RAD54L2: variants seen among roughly 807,000 people sequenced by gnomAD.
RAD54L2 encodes the protein helicase ARIP4.
RAD54L2 carries 27 observed loss-of-function variants against 138.4 expected under a neutral mutation model. The ratio of observed to expected loss-of-function variants is 0.20; its 90% CI spans 0.14 to 0.27. RAD54L2 has a LOEUF of 0.27. Among genes scored for constraint, RAD54L2 ranks in the 10% least tolerant of loss-of-function variants. The pLI is 1.00. For missense variants in RAD54L2, 1,396 were observed against 1,890.2 expected (o/e 0.74, Z 4.85); for synonymous variants, 644 against 723.2 (o/e 0.89, Z 1.76).
rs768354274 is a variant in RAD54L2 at position 51,626,436 on chromosome 3, C to CTTTTTT, written c.140-1096_140-1091dup. ...TGACATCCCCTGGACCCCCAACGAT[C>CTTTTTT]TTTTTTTTTTTTTTTTTTTTTTTTT... On this transcript the variant is annotated intron_variant, in intron 3 of 22. Coordinates refer to ENST00000684192, the MANE Select transcript of RAD54L2 (RefSeq NM_015106.4). Among the ~76,000 whole-genome samples, 48 of 39,392 alleles carry CTTTTTT rather than the reference C, an allele frequency of 1.2e-3. 13 individuals carry two copies. The highest frequency in any genetic ancestry group is 5.1e-3 in the African/African-American group (46 of 8,970). 25.8% of individuals were successfully genotyped at this position (39,392 alleles called of 152,430 possible). A position where few individuals can be genotyped will look rare whatever the true frequency, so the allele number is the denominator to read the frequency against.
intron 10 of RAD54L2, among the ~76,000 whole-genome samples, chr3:51,636,857 C>T (rs149831390): frequency 0.036 from 5,406 of 152,052 alleles, 147 homozygotes; most frequent in Non-Finnish European, 0.056. Flanking sequence ...CGCTTGAACC[C>T]GGGAGGCAGA....
chr3:51,640,972 C>T (rs1205844299), intron 14 of RAD54L2, among the ~76,000 whole-genome samples: 1 of 152,030 alleles, frequency 6.6e-6, no homozygotes, highest in East Asian at 1.9e-4. Flanking sequence ...CTTGGTTGTT[C>T]TTGGTATAGT....
intron 7 of RAD54L2, among the ~76,000 whole-genome samples, chr3:51,632,874 C>T (rs1027191005): frequency 4.1e-5 from 6 of 146,302 alleles, no homozygotes; most frequent in Non-Finnish European, 6.0e-5. Context: ...GCTTGGGTGA[C>T]GGAGCAAGAC....
At chr3:51,600,077 C>T (rs1057364015) in intron 3 of RAD54L2, among the ~76,000 whole-genome samples, 23 of 152,052 alleles carry the variant, frequency 1.5e-4, no homozygotes, top group African/African-American at 4.8e-4. Flanking sequence ...TGACTATGGG[C>T]ACCTGCTACC....
chr3:51,607,940 C>T (rs1700235852), intron 3 of RAD54L2, among the ~76,000 whole-genome samples: 1 of 139,990 alleles, frequency 7.1e-6, no homozygotes, highest in Non-Finnish European at 1.5e-5. Flanking sequence ...TGCCCCCCTC[C>T]TCCCGGACGG....
At chr3:51,600,320 A>G (rs1700053521) in intron 3 of RAD54L2, among the ~76,000 whole-genome samples, 1 of 152,194 alleles carries the variant, frequency 6.6e-6, no homozygotes, top group Non-Finnish European at 1.5e-5. Context: ...ACTGTAAAAA[A>G]GAAAAATCTT....
intron 3 of RAD54L2, among the ~76,000 whole-genome samples, chr3:51,595,011 C>T (rs777278161): frequency 4.6e-5 from 7 of 151,548 alleles, no homozygotes; most frequent in African/African-American, 1.5e-4. Context: ...ACTACAGGCA[C>T]GCGCCACCAC....
At chr3:51,543,779 A>T (rs1317413438) in intron 2 of RAD54L2, among the ~76,000 whole-genome samples, 2 of 152,056 alleles carry the variant, frequency 1.3e-5, no homozygotes, top group African/African-American at 4.8e-5. Flanking sequence ...AGGCTCAGTT[A>T]TAGTGAACTC....
rs1166356274 is a variant in RAD54L2, at chr3:51,633,754, G to T, written c.1003G>T (p.Val335Leu). Reference protein sequence around the residue: ...HTPAKTVLAIVPVNTLQNWLA... With the variant: ...HTPAKTVLAILPVNTLQNWLA... ...GCCAGCCAAAACAGTCCTTGCCATT[G>T]TGCCGGTAAGAGTTTTTGGGAAGGC... The change falls in exon 8 of 23, where the codon GTG becomes TTG. Residue 335 changes from valine (V) to leucine (L), a missense_variant. Physicochemically the swap from Val to Leu is conservative, Grantham distance 32. Around this residue, in one of 7 missense-constraint regions of RAD54L2, gnomAD observed 169 missense variants for 235.6 expected, o/e 0.72. Coordinates refer to ENST00000684192, the MANE Select transcript of RAD54L2 (RefSeq NM_015106.4). 1 of 1,613,834 alleles carries T rather than the reference G, an allele frequency of 6.2e-7. No homozygotes were observed. Among genetic ancestry groups the T allele is most frequent in the South Asian group, 1.1e-5 (1 of 91,070 alleles).
chr3:51,563,501 A>G (rs1699145021), intron 2 of RAD54L2, among the ~76,000 whole-genome samples: 1 of 152,108 alleles, frequency 6.6e-6, no homozygotes, highest in South Asian at 2.1e-4. Context: ...GCTTCATAGA[A>G]CAGCCTGATC....
Position 51,660,104 on chromosome 3 carries a change from G to A in RAD54L2, c.3395G>A (p.Arg1132Gln), listed in dbSNP as rs185222323. ...TGKPKVPEDGRMAASGSQGPS... is the reference protein window; with the variant it reads ...TGKPKVPEDGQMAASGSQGPS... ...AAACCAAAGGTTCCTGAAGATGGTC[G>A]GATGGCTGCCTCAGGTGTGATGGCT... is the stretch of plus-strand genomic sequence containing the variant. The change falls in exon 22 of 23, where the codon CGG becomes CAG. Residue 1132 changes from arginine to glutamine, a missense_variant. Around this residue, in one of 7 missense-constraint regions of RAD54L2, gnomAD observed 634 missense variants for 711.2 expected, o/e 0.89. Coordinates refer to ENST00000684192, the MANE Select transcript of RAD54L2 (RefSeq NM_015106.4). The A allele has an allele frequency of 9.8e-5, 157 of 1,599,794 alleles. No homozygotes were observed. Among genetic ancestry groups the A allele is most frequent in the Non-Finnish European group, 1.3e-4 (153 of 1,168,502 alleles).
At chr3:51,575,814 C>T (rs1307286313) in intron 2 of RAD54L2, among the ~76,000 whole-genome samples, 5 of 152,180 alleles carry the variant, frequency 3.3e-5, no homozygotes, top group African/African-American at 1.2e-4. Context: ...TTGACTTCCT[C>T]TTTTCCTAAT....
At chr3:51,597,026 G>A (rs1046412863) in intron 3 of RAD54L2, among the ~76,000 whole-genome samples, 4 of 151,984 alleles carry the variant, frequency 2.6e-5, no homozygotes, top group Admixed American at 1.3e-4. Flanking sequence ...TTAGCCGGGC[G>A]TGGTGGCAGG....
At position 51,643,811 on chromosome 3, in the gene RAD54L2, A is replaced by G. The variant is rs192175852; in HGVS notation, c.2351-64A>G. 4.4e-5 allele frequency: 55 copies of G among 1,242,780 alleles called. No individual in the cohort carries two copies. In the East Asian group the frequency reaches 1.3e-3, roughly 30 times the overall value. 77.0% of individuals were successfully genotyped at this position (1,242,780 alleles called of 1,614,324 possible). ...TTTGCTCTTTAAAACATATTTGCCCAGTGATTTTGCTGTATATCCTTGCTC... is the reference window on the plus strand; with the variant it reads ...TTTGCTCTTTAAAACATATTTGCCCGGTGATTTTGCTGTATATCCTTGCTC... On this transcript the variant is annotated intron_variant, in intron 15 of 22. Coordinates refer to ENST00000684192, the MANE Select transcript of RAD54L2 (RefSeq NM_015106.4).
At chr3:51,604,623 C>T (rs746604892) in intron 3 of RAD54L2, among the ~76,000 whole-genome samples, 11 of 152,134 alleles carry the variant, frequency 7.2e-5, no homozygotes, top group South Asian at 2.1e-4. Context: ...AGCATGATCT[C>T]CTTAATATAG....
At chr3:51,580,242 GT>G in intron 2 of RAD54L2, among the ~76,000 whole-genome samples, 1 of 152,248 alleles carries the variant, frequency 6.6e-6, no homozygotes, top group South Asian at 2.1e-4. Flanking sequence ...TTTTGCTTAG[GT>G]TTACCTGTTT....
intron 21 of RAD54L2, among the ~76,000 whole-genome samples, chr3:51,657,985 C>T (rs1010081861): frequency 4.8e-5 from 6 of 124,426 alleles, no homozygotes; most frequent in East Asian, 2.7e-4. Flanking sequence ...AGTGCAGTTG[C>T]GTGATCTCGG....
At chr3:51,633,369 A>G (rs1340830780) in intron 7 of RAD54L2, among the ~76,000 whole-genome samples, 1 of 152,240 alleles carries the variant, frequency 6.6e-6, no homozygotes, top group Non-Finnish European at 1.5e-5. Flanking sequence ...GTTACACTGT[A>G]CTAGTGAATC....
intron 3 of RAD54L2, among the ~76,000 whole-genome samples, chr3:51,610,732 T>C (rs1409710254): frequency 6.6e-6 from 1 of 151,920 alleles, no homozygotes; most frequent in Non-Finnish European, 1.5e-5. Context: ...CCTCCAACTC[T>C]CAGCTCCCAG....
Sources: gnomAD v4.1 joint callset for allele counts (sites outside exome capture counted in the v4.1 genomes callset) on GRCh38, gnomAD v4.1.1 for gene constraint, gnomAD v4.1.1 regional missense constraint, MANE v1.5 for transcripts, NCBI Gene and HGNC (gene_info 2026-07-23, HGNC 2026-07-21) for gene names.